Variants in LYPLAL1 observed in about 807,000 individuals in gnomAD.
LYPLAL1 encodes the protein lysophospholipase like 1.
In LYPLAL1, 23 loss-of-function variants were observed where a neutral mutation model predicts 19.7. The ratio of observed to expected loss-of-function variants is 1.17; its 90% CI spans 0.84 to 1.65. The LOEUF (loss-of-function observed/expected upper bound fraction) is 1.65, where lower values mean the gene tolerates loss of function less well. Among genes scored for constraint, LYPLAL1 ranks in the 40% most tolerant of loss-of-function variants. The pLI, the probability that LYPLAL1 is intolerant of heterozygous loss-of-function variation, is 0.00. For synonymous variants in LYPLAL1, 119 were observed against 96.3 expected, an observed-to-expected ratio of 1.24 and a Z score of -1.38; for missense variants, 355 against 279.4, an observed-to-expected ratio of 1.27 and a Z score of -1.93.
intron 3 of LYPLAL1, chr1:219,200,677 G>A (rs1156236495): frequency 8.4e-6 from 2 of 237,066 alleles, no homozygotes; most frequent in East Asian, 1.1e-4. Flanking sequence ...ACCACAACTC[G>A]GCAGCCAAAA....
chr1:219,434,610 A>G, the LYPLAL1 span, among the ~76,000 whole-genome samples: 1 of 152,196 alleles, frequency 6.6e-6, no homozygotes, highest in African/African-American at 2.4e-5. Context: ...ATGCCTCTCT[A>G]CCTGAAAAAT....
intron 2 of LYPLAL1, among the ~76,000 whole-genome samples, chr1:219,192,193 A>G (rs1657238293): frequency 6.6e-6 from 1 of 151,682 alleles, no homozygotes. Flanking sequence ...TTCACTAGAG[A>G]AGAAGTACAA....
chr1:219,312,131 T>C, the LYPLAL1 span, among the ~76,000 whole-genome samples: 1 of 152,132 alleles, frequency 6.6e-6, no homozygotes, highest in Admixed American at 6.5e-5. Flanking sequence ...GGAAAGGTGC[T>C]TTCCCAAGTT....
chr1:219,263,743 A>G, the LYPLAL1 span, among the ~76,000 whole-genome samples: 8 of 152,058 alleles, frequency 5.3e-5, no homozygotes, highest in Non-Finnish European at 1.0e-4. Flanking sequence ...TATTTTGCTC[A>G]GCTCCCTAAA....
At chr1:219,214,054 A>G (rs1365515616), downstream of LYPLAL1, among the ~76,000 whole-genome samples, 2 of 152,126 alleles carry the variant, frequency 1.3e-5, no homozygotes, top group Non-Finnish European at 2.9e-5. Flanking sequence ...CAAATTGATG[A>G]TATTCCTCTC....
the LYPLAL1 span, among the ~76,000 whole-genome samples, chr1:219,415,594 A>T: frequency 3.3e-5 from 5 of 152,192 alleles, no homozygotes; most frequent in Non-Finnish European, 7.3e-5. Context: ...AGAAATATGA[A>T]CTCTTGCACT....
the LYPLAL1 span, among the ~76,000 whole-genome samples, chr1:219,301,937 A>T: frequency 6.6e-6 from 1 of 152,186 alleles, no homozygotes; most frequent in Non-Finnish European, 1.5e-5. Context: ...TTTTTTAAAA[A>T]ATACATGATA....
At chr1:219,333,117 C>T in the LYPLAL1 span, among the ~76,000 whole-genome samples, 1 of 152,014 alleles carries the variant, frequency 6.6e-6, no homozygotes, top group Non-Finnish European at 1.5e-5. Context: ...ATTTTCTCAC[C>T]CTGCCAAGGG....
the LYPLAL1 span, among the ~76,000 whole-genome samples, chr1:219,330,913 G>C: frequency 1.3e-5 from 2 of 152,160 alleles, no homozygotes; most frequent in South Asian, 4.1e-4. Context: ...ATAATGCACA[G>C]TTTCTGTTTC....
the LYPLAL1 span, among the ~76,000 whole-genome samples, chr1:219,229,327 G>GAGAGAGAGAGAGAC: frequency 8.7e-6 from 1 of 114,752 alleles, no homozygotes; most frequent in African/African-American, 2.7e-5. Context: ...GAGAGAGAGA[G>GAGAGAGAGAGAGAC]AGAGAGAGAG....
chr1:219,241,130 C>CTATA, the LYPLAL1 span, among the ~76,000 whole-genome samples: 196 of 71,026 alleles, frequency 2.8e-3, no homozygotes, highest in East Asian at 5.5e-3. Context: ...CTCTCTCTCT[C>CTATA]TCTCTATATA....
chr1:219,394,566 A>G, the LYPLAL1 span, among the ~76,000 whole-genome samples: 1 of 152,200 alleles, frequency 6.6e-6, no homozygotes, highest in African/African-American at 2.4e-5. Flanking sequence ...TACCACATAC[A>G]TGTGACATCA....
At chr1:219,387,709 T>C in the LYPLAL1 span, among the ~76,000 whole-genome samples, 1 of 152,236 alleles carries the variant, frequency 6.6e-6, no homozygotes, top group Admixed American at 6.5e-5. Context: ...CTTAGAATCA[T>C]GAATCACTGG....
the LYPLAL1 span, chr1:219,410,115 A>T: frequency 6.6e-6 from 1 of 152,112 alleles, no homozygotes; most frequent in Non-Finnish European, 1.5e-5. Context: ...TTTCTCAGTA[A>T]CTCTTTAGAA....
chr1:219,280,815 A>G, the LYPLAL1 span, among the ~76,000 whole-genome samples: 1 of 152,190 alleles, frequency 6.6e-6, no homozygotes, highest in African/African-American at 2.4e-5. Flanking sequence ...TGGGAGGCCT[A>G]GACAGGCAAA....
the LYPLAL1 span, among the ~76,000 whole-genome samples, chr1:219,282,794 T>C: frequency 1.3e-5 from 2 of 152,136 alleles, no homozygotes; most frequent in Non-Finnish European, 2.9e-5. Context: ...GTCAGAAATA[T>C]AAGTGCTTTA....
downstream of LYPLAL1, among the ~76,000 whole-genome samples, chr1:219,214,502 G>C (rs1157330857): frequency 1.3e-5 from 2 of 151,924 alleles, no homozygotes; most frequent in African/African-American, 2.4e-5. Context: ...TCTGGGCCCA[G>C]AGATTTCCGC....
At chr1:219,399,423 AG>A in the LYPLAL1 span, among the ~76,000 whole-genome samples, 1 of 152,154 alleles carries the variant, frequency 6.6e-6, no homozygotes, top group Non-Finnish European at 1.5e-5. Context: ...GGCAGTTGCC[AG>A]GATAAGGGGG....
the LYPLAL1 span, among the ~76,000 whole-genome samples, chr1:219,412,218 C>T: frequency 6.6e-6 from 1 of 152,066 alleles, no homozygotes; most frequent in Non-Finnish European, 1.5e-5. Flanking sequence ...TGTAGAGACT[C>T]AATCTCACTG....
Sources: allele counts gnomAD v4.1 joint callset (sites outside exome capture counted in the v4.1 genomes callset), GRCh38; gene constraint gnomAD v4.1.1; transcripts MANE v1.5; gene names NCBI Gene and HGNC (gene_info 2026-07-23, HGNC 2026-07-21).